MRPS10: variants seen among roughly 807,000 people sequenced by gnomAD.
MRPS10 encodes the protein small ribosomal subunit protein uS10m.
MRPS10 carries 23 observed loss-of-function variants against 27.5 expected under a neutral mutation model. That is an observed-to-expected ratio of 0.84 (90% CI 0.60 to 1.18). The LOEUF (loss-of-function observed/expected upper bound fraction) is 1.18, where lower values mean the gene tolerates loss of function less well. Ranked by LOEUF, MRPS10 falls within the 50% of genes most tolerant of loss-of-function variation. The pLI, the probability that MRPS10 is intolerant of heterozygous loss-of-function variation, is 0.00. For missense variants in MRPS10, 237 were observed against 240.1 expected (o/e 0.99, Z 0.09); for synonymous variants, 88 against 84.2 (o/e 1.04, Z -0.25).
intron 4 of MRPS10, 108 bp downstream of exon 4, chr6:42,211,673 C>CA (rs35472345): frequency 0.36 from 241,353 of 673,448 alleles, 19,436 homozygotes; most frequent in East Asian, 0.45. Context: ...GACTCTGTCT[C>CA]AAAAAAAAAA....
At chr6:42,217,501 TCA>T (rs993737817) in intron 1 of MRPS10, among the ~76,000 whole-genome samples, 42 of 152,206 alleles carry the variant, frequency 2.8e-4, no homozygotes, top group African/African-American at 1.0e-3. Flanking sequence ...TCTCTGAGCC[TCA>T]GTTTATTTTG....
At chr6:42,208,978 T>C (rs760247399) in intron 5 of MRPS10, 31 bp from the exon 6 acceptor site, 1 of 1,451,748 alleles carries the variant, frequency 6.9e-7, no homozygotes, top group South Asian at 1.2e-5. Context: ...ATGTTTCATG[T>C]AAGCTGTTTG....
chr6:42,214,451 T>C, intron 1 of MRPS10, 107 bp from the exon 2 acceptor site: 1 of 739,348 alleles, frequency 1.4e-6, no homozygotes, highest in Non-Finnish European at 2.1e-6. Flanking sequence ...CAGACGAAGA[T>C]ACTGGGGTAA....
intron 1 of MRPS10, among the ~76,000 whole-genome samples, chr6:42,216,719 G>C (rs574770847): frequency 7.2e-4 from 110 of 152,124 alleles, no homozygotes; most frequent in Non-Finnish European, 1.3e-3. Context: ...GCTGAGGTAG[G>C]AGAATCACTT....
At chr6:42,216,213 G>A (rs913592286) in intron 1 of MRPS10, among the ~76,000 whole-genome samples, 3 of 151,256 alleles carry the variant, frequency 2.0e-5, no homozygotes, top group Admixed American at 6.6e-5. Context: ...TAGTAGAGAC[G>A]GAGTTTTGCC....
chr6:42,217,523 A>G (rs1171840787), intron 1 of MRPS10, among the ~76,000 whole-genome samples: 1 of 152,164 alleles, frequency 6.6e-6, no homozygotes, highest in Non-Finnish European at 1.5e-5. Flanking sequence ...GCAAGCGTGA[A>G]AGGAGGGGTT....
intron 1 of MRPS10, among the ~76,000 whole-genome samples, chr6:42,215,935 G>C (rs943787064): frequency 9.9e-5 from 15 of 151,704 alleles, no homozygotes; most frequent in African/African-American, 3.4e-4. Flanking sequence ...CCCCACAATC[G>C]AGTTGTGCAA....
chr6:42,214,814 C>T (rs189105523), intron 1 of MRPS10, among the ~76,000 whole-genome samples: 1 of 152,176 alleles, frequency 6.6e-6, no homozygotes, highest in Non-Finnish European at 1.5e-5. Context: ...TCTTTTAAAG[C>T]ATACATATTT....
chr6:42,208,114 A>C lies in MRPS10; in HGVS notation c.*175T>G. 1.6e-6 allele frequency: 1 copy of C among 624,852 alleles called. No individual in the cohort carries two copies. Among genetic ancestry groups the C allele is most frequent in the Non-Finnish European group, 2.8e-6 (1 of 356,344 alleles). 38.7% of individuals were successfully genotyped at this position (624,852 alleles called of 1,614,324 possible). ...AACAATGAATAAAAAGAATAGATAA[A>C]AGTGGTTCTTCCATTAAAGTTCCAT... On this transcript the variant is annotated 3_prime_UTR_variant, in exon 7 of 7. Transcript: ENST00000053468.
chr6:42,217,688 G>A (rs1188932228), intron 1 of MRPS10, 114 bp downstream of exon 1: 5 of 1,048,284 alleles, frequency 4.8e-6, no homozygotes, highest in African/African-American at 1.6e-5. Flanking sequence ...TAAACGGCGC[G>A]AGGTGAGGGA....
chr6:42,214,055 A>G, intron 3 of MRPS10, 65 bp downstream of exon 3: 2 of 1,402,438 alleles, frequency 1.4e-6, no homozygotes, highest in Middle Eastern at 2.6e-4. Context: ...AAAAAACCCA[A>G]TGAAATAATA....
intron 1 of MRPS10, among the ~76,000 whole-genome samples, chr6:42,216,385 A>AGAGAGAGTGTGTGTGTGT: frequency 1.7e-5 from 1 of 58,642 alleles, no homozygotes. Context: ...AGAGAGAGAG[A>AGAGAGAGTGTGTGTGTGT]GTGTGTGTGT....
At chr6:42,211,055 C>T (rs1201685991) in intron 4 of MRPS10, among the ~76,000 whole-genome samples, 2 of 152,198 alleles carry the variant, frequency 1.3e-5, no homozygotes, top group Admixed American at 1.3e-4. Context: ...GCCAGACTGC[C>T]AAAGCCCCAG....
At chr6:42,209,232 A>C (rs1768701075) in intron 5 of MRPS10, among the ~76,000 whole-genome samples, 1 of 151,806 alleles carries the variant, frequency 6.6e-6, no homozygotes, top group Admixed American at 6.6e-5. Flanking sequence ...TCCTGACCTC[A>C]AGTGATCCGC....
At chr6:42,217,684 G>A (rs1768980601) in intron 1 of MRPS10, 118 bp downstream of exon 1, 1 of 1,012,792 alleles carries the variant, frequency 9.9e-7, no homozygotes, top group South Asian at 1.4e-5. Context: ...CCTGTAAACG[G>A]CGCGAGGTGA....
chr6:42,216,436 G>A (rs997074351), intron 1 of MRPS10, among the ~76,000 whole-genome samples: 11 of 145,278 alleles, frequency 7.6e-5, no homozygotes, highest in Non-Finnish European at 1.5e-4. Context: ...GGTTTGGAAG[G>A]GAGGGCTGTC....
chr6:42,213,269 G>A (rs1452625719), intron 3 of MRPS10, among the ~76,000 whole-genome samples: 1 of 151,918 alleles, frequency 6.6e-6, no homozygotes, highest in East Asian at 1.9e-4. Context: ...GCCAACATGG[G>A]AAAACCCCAT....
At position 42,208,165 on chromosome 6, in the gene MRPS10, C is replaced by T. The variant is rs1423934014; in HGVS notation, c.*124G>A. The T allele has an allele frequency of 8.1e-6, 6 of 739,980 alleles. No individual in the cohort carries two copies. Among genetic ancestry groups the T allele is most frequent in the South Asian group, 1.7e-5 (1 of 60,580 alleles). The allele number at this position is 739,980 out of a possible 1,614,324, so 45.8% of individuals were successfully genotyped here. A position where few individuals can be genotyped will look rare whatever the true frequency, so the allele number is the denominator to read the frequency against. ...TCCCTGCCCTCAGCTGATGAGGGCA[C>T]GAGAACTCAATGGAGCAGTTAGGGC... On this transcript the variant is annotated 3_prime_UTR_variant, in exon 7 of 7. Coordinates refer to ENST00000053468, the MANE Select transcript of MRPS10 (RefSeq NM_018141.4).
rs373981686 is a variant in MRPS10, at chr6:42,216,359, T to TGAGAGA, written c.48+1437_48+1442dup. 3.8e-3 allele frequency among the ~76,000 whole-genome samples: 222 copies of TGAGAGA among 58,186 alleles called. 4 individuals are homozygous for TGAGAGA. Among genetic ancestry groups the TGAGAGA allele is most frequent in the African/African-American group, 7.8e-3 (172 of 22,150 alleles). The allele number at this position is 58,186 out of a possible 152,430, so 38.2% of individuals were successfully genotyped here. On this transcript the variant is annotated intron_variant, in intron 1 of 6. Transcript: ENST00000053468. ...AATTGCATTTTTTCTTTGTATTTCT[T>TGAGAGA]GAGAGAGAGAGAGAGAGAGAGAGAG...
Sources: gnomAD v4.1 joint callset for allele counts (sites outside exome capture counted in the v4.1 genomes callset) on GRCh38, gnomAD v4.1.1 for gene constraint, MANE v1.5 for transcripts, NCBI Gene and HGNC (gene_info 2026-07-23, HGNC 2026-07-21) for gene names.